RCAN1: variants seen among roughly 807,000 people sequenced by gnomAD.
RCAN1 encodes the protein calcipressin-1.
Under a neutral mutation model 22.9 loss-of-function variants are expected in RCAN1, and 11 were observed. That is an observed-to-expected ratio of 0.48 (90% CI 0.30 to 0.79). RCAN1 has a LOEUF of 0.79. RCAN1 is among the 30% of genes least tolerant of loss of function. The probability of loss-of-function intolerance (pLI) is 0.06; values close to 1 mark genes in which losing one functional copy is unlikely to be tolerated. For synonymous variants in RCAN1, 136 were observed against 142.3 expected (o/e 0.96, Z 0.32); for missense variants, 291 against 337.8 (o/e 0.86, Z 1.09).
intron 1 of RCAN1, among the ~76,000 whole-genome samples, chr21:34,600,968 G>A (rs1049229329): frequency 6.6e-6 from 1 of 152,114 alleles, no homozygotes; most frequent in Non-Finnish European, 1.5e-5. Flanking sequence ...ATGCATGCAG[G>A]CACACACCAC....
At chr21:34,563,192 T>C (rs2284592) in intron 1 of RCAN1, among the ~76,000 whole-genome samples, 36,875 of 152,090 alleles carry the variant, frequency 0.24, 5,215 homozygotes, top group African/African-American at 0.39. Context: ...AACCTGAGAA[T>C]ACACAGTAAA....
At position 34,517,458 on chromosome 21, in the gene RCAN1, C is replaced by G. The variant is rs1176632618; in HGVS notation, c.*626G>C. ...TGCAAAGAGTCGAGAATCCGAGAAT[C>G]TGGGAAAGGTGATACGTTTTCCAAA... is the stretch of plus-strand genomic sequence containing the variant. On this transcript the variant is annotated 3_prime_UTR_variant, in exon 4 of 4. Coordinates refer to ENST00000313806, the MANE Select transcript of RCAN1 (RefSeq NM_004414.7). 1 of 152,242 alleles carries G rather than the reference C, an allele frequency of 6.6e-6. No individual in the cohort carries two copies. The highest frequency in any genetic ancestry group is 1.5e-5 in the Non-Finnish European group (1 of 68,058). 9.4% of individuals were successfully genotyped at this position (152,242 alleles called of 1,614,324 possible). A position where few individuals can be genotyped will look rare whatever the true frequency, so the allele number is the denominator to read the frequency against.
intron 1 of RCAN1, among the ~76,000 whole-genome samples, chr21:34,547,155 C>G (rs925838219): frequency 1.3e-5 from 2 of 152,150 alleles, no homozygotes; most frequent in African/African-American, 4.8e-5. Context: ...GAGGATTCAG[C>G]GAAGGGTTCG....
chr21:34,560,566 G>C (rs1051089690), intron 1 of RCAN1, among the ~76,000 whole-genome samples: 3 of 152,150 alleles, frequency 2.0e-5, no homozygotes, highest in Non-Finnish European at 4.4e-5. Context: ...AAAGAGGATT[G>C]TTGTAAAGTT....
intron 1 of RCAN1, among the ~76,000 whole-genome samples, chr21:34,548,550 TG>T (rs3216077): frequency 0.24 from 36,700 of 152,138 alleles, 5,159 homozygotes; most frequent in African/African-American, 0.39. Context: ...TTCTCTGCAA[TG>T]TCGAAACTTT....
intron 1 of RCAN1, among the ~76,000 whole-genome samples, chr21:34,585,098 A>G (rs2211700): frequency 0.28 from 42,181 of 152,196 alleles, 6,567 homozygotes; most frequent in East Asian, 0.45. Context: ...GAATTTCAAA[A>G]AAGTTGAATA....
intron 1 of RCAN1, among the ~76,000 whole-genome samples, chr21:34,549,461 T>C (rs920840851): frequency 6.6e-6 from 1 of 152,222 alleles, no homozygotes; most frequent in Non-Finnish European, 1.5e-5. Context: ...AGATGATTCA[T>C]GGTGGCTGCC....
chr21:34,525,001 G>T lies in RCAN1; in HGVS notation c.253-1291C>A. ...CACTTAGGACAGTTTGTGGGAGCCC[G>T]TGTGAAAGGCAGAAGGGGCTGGCCA... On this transcript the variant is annotated intron_variant, in intron 1 of 3. Coordinates refer to ENST00000313806, the MANE Select transcript of RCAN1 (RefSeq NM_004414.7). 2.6e-6 allele frequency: 4 copies of T among 1,521,650 alleles called. No individual in the cohort carries two copies. The South Asian group carries it at 5.0e-5, about 19-fold the overall frequency. 94.3% of individuals were successfully genotyped at this position (1,521,650 alleles called of 1,614,324 possible).
intron 1 of RCAN1, among the ~76,000 whole-genome samples, chr21:34,563,065 G>T (rs1200122191): frequency 6.6e-6 from 1 of 152,166 alleles, no homozygotes. Context: ...ATTGCCATCA[G>T]TATTGATTGT....
chr21:34,520,946 T>G, intron 3 of RCAN1: 1 of 442,230 alleles, frequency 2.3e-6, no homozygotes, highest in Non-Finnish European at 3.1e-6. Flanking sequence ...AACTTCCTCT[T>G]TCTTTAGCAA....
At chr21:34,579,116 CG>C (rs1226036086) in intron 1 of RCAN1, among the ~76,000 whole-genome samples, 2 of 152,128 alleles carry the variant, frequency 1.3e-5, no homozygotes, top group African/African-American at 2.4e-5. Context: ...ATGTTATGGC[CG>C]GGCGCGGTGG....
intron 1 of RCAN1, among the ~76,000 whole-genome samples, chr21:34,597,455 T>C (rs1988199628): frequency 6.6e-6 from 1 of 152,164 alleles, no homozygotes; most frequent in Non-Finnish European, 1.5e-5. Context: ...CAGATGGAGA[T>C]GTGGCTCACA....
intron 1 of RCAN1, among the ~76,000 whole-genome samples, chr21:34,601,140 T>C (rs1304807028): frequency 1.3e-5 from 2 of 152,248 alleles, no homozygotes; most frequent in Non-Finnish European, 2.9e-5. Flanking sequence ...CACAAATATT[T>C]ATTAAGTGCC....
At chr21:34,578,341 C>T (rs989118503) in intron 1 of RCAN1, among the ~76,000 whole-genome samples, 19 of 152,116 alleles carry the variant, frequency 1.2e-4, no homozygotes, top group African/African-American at 4.6e-4. Context: ...GAAAATAAAC[C>T]CATCTGTTTG....
At chr21:34,603,003 T>C (rs1988402542) in intron 1 of RCAN1, among the ~76,000 whole-genome samples, 1 of 152,108 alleles carries the variant, frequency 6.6e-6, no homozygotes, top group Non-Finnish European at 1.5e-5. Context: ...ATAGGTCCAC[T>C]CAGGAAGCGG....
intron 1 of RCAN1, chr21:34,524,253 C>T (rs1984834946): frequency 2.0e-5 from 3 of 152,808 alleles, no homozygotes; most frequent in Admixed American, 1.3e-4. Context: ...ATCAGCAGAA[C>T]AGTTGCCAAT....
At chr21:34,549,990 G>A (rs1986306097) in intron 1 of RCAN1, among the ~76,000 whole-genome samples, 1 of 152,024 alleles carries the variant, frequency 6.6e-6, no homozygotes, top group African/African-American at 2.4e-5. Context: ...GTGACAGGGC[G>A]GCACATCAAT....
chr21:34,523,939 C>T, intron 1 of RCAN1: 1 of 354,900 alleles, frequency 2.8e-6, no homozygotes, highest in Non-Finnish European at 5.2e-6. Flanking sequence ...CCTGCCAGCA[C>T]ACCTGGCTAA....
intron 1 of RCAN1, among the ~76,000 whole-genome samples, chr21:34,540,333 G>A (rs961704729): frequency 5.3e-5 from 8 of 152,146 alleles, no homozygotes; most frequent in Admixed American, 2.0e-4. Flanking sequence ...GGGCTCTTCC[G>A]GGGCTGGGTG....
Sources: allele counts gnomAD v4.1 joint callset (sites outside exome capture counted in the v4.1 genomes callset), GRCh38; gene constraint gnomAD v4.1.1; transcripts MANE v1.5; gene names NCBI Gene and HGNC (gene_info 2026-07-23, HGNC 2026-07-21).